The following ESRP1 variants were observed in gnomAD, a reference collection of about 807,000 sequenced individuals.
ESRP1 encodes the protein RNA-binding motif protein 35A.
In ESRP1, 33 loss-of-function variants were observed where a neutral mutation model predicts 81.7. The observed-to-expected ratio is 0.40, with a 90% CI of 0.31 to 0.54. The LOEUF (loss-of-function observed/expected upper bound fraction) is 0.54, where lower values mean the gene tolerates loss of function less well. Among genes scored for constraint, ESRP1 ranks in the 20% least tolerant of loss-of-function variants. The probability of loss-of-function intolerance (pLI) is 0.41; values close to 1 mark genes in which losing one functional copy is unlikely to be tolerated. For missense variants in ESRP1, 672 were observed against 833.1 expected (o/e 0.81, Z 2.38); for synonymous variants, 320 against 303.3 (o/e 1.06, Z -0.57).
intron 11 of ESRP1, 98 bp downstream of exon 11, chr8:94,671,769 ATAT>A: frequency 1.4e-6 from 1 of 704,626 alleles, no homozygotes; most frequent in Non-Finnish European, 2.2e-6. Context: ...GAAATATCTA[ATAT>A]TAGATATTAG....
intron 13 of ESRP1, among the ~76,000 whole-genome samples, chr8:94,684,059 C>A (rs922424807): frequency 1.3e-5 from 2 of 152,160 alleles, no homozygotes; most frequent in Non-Finnish European, 2.9e-5. Context: ...GTTGGTCAAG[C>A]TGATCTCGAA....
rs563193339 is a variant in ESRP1 at position 94,670,737 on chromosome 8, A to G, written c.1234-716A>G. On this transcript the variant is annotated intron_variant, in intron 10 of 15. Coordinates refer to ENST00000433389, the MANE Select transcript of ESRP1 (RefSeq NM_017697.4). ...TCTAAAATTCGCCTAACCTATCATC[A>G]TCCATTTCCAAGATAGCTGAATTCC... is the stretch of plus-strand genomic sequence containing the variant. 1.8e-3 allele frequency among the ~76,000 whole-genome samples: 268 copies of G among 152,364 alleles called. 5 individuals carry two copies. Among genetic ancestry groups the G allele is most frequent in the Non-Finnish European group, 1.7e-3 (118 of 68,036 alleles).
rs565944207 is a variant in ESRP1, at chr8:94,676,494, GT to G, written c.1652-1700del. Among the ~76,000 whole-genome samples, 119 of 150,984 alleles carry G rather than the reference GT, an allele frequency of 7.9e-4. 2 individuals are homozygous for G. In the Middle Eastern group the frequency reaches 0.014, roughly 17 times the overall value. On this transcript the variant is annotated intron_variant, in intron 12 of 15. Coordinates refer to ENST00000433389, the MANE Select transcript of ESRP1 (RefSeq NM_017697.4). ...ATGTGTGTGTGTTTATGCATGTGTG[GT>G]TTTTTTTTGTTTTGTTTTGTTTTGA...
intron 10 of ESRP1, 68 bp downstream of exon 10, chr8:94,668,318 C>A: frequency 7.3e-7 from 1 of 1,366,112 alleles, no homozygotes; most frequent in Non-Finnish European, 9.8e-7. Context: ...GAAAATAGTC[C>A]TACATTGCTC....
intron 4 of ESRP1, among the ~76,000 whole-genome samples, chr8:94,648,924 C>T (rs3926964): frequency 0.95 from 144,563 of 152,362 alleles, 69,023 homozygotes; most frequent in East Asian, 1. Context: ...AAATTTTTAA[C>T]AAAAATCCAT....
rs187121739 is a variant in ESRP1 at position 94,665,283 on chromosome 8, G to T, written c.931+87G>T. The T allele has an allele frequency of 2.1e-4, 272 of 1,271,018 alleles. 2 individuals are homozygous for T. The Middle Eastern group carries it at 2.4e-3, about 11-fold the overall frequency. The allele number at this position is 1,271,018 out of a possible 1,614,324, so 78.7% of individuals were successfully genotyped here. ...AATTTAGCAAGAGTAGGTGAATAGG[G>T]TCATGAATGGTTTTTATTTTCTAAT... On this transcript the variant is annotated intron_variant, in intron 9 of 15. Coordinates refer to ENST00000433389, the MANE Select transcript of ESRP1 (RefSeq NM_017697.4).
rs1009173916 is a variant in ESRP1, at chr8:94,654,155, C to G, written c.490+7873C>G. ...CCAACATGGCGGAACCCCGTCTCTA[C>G]TAAAAATACAAAATTATCTGGGTGT... On this transcript the variant is annotated intron_variant, in intron 4 of 15. Coordinates refer to ENST00000433389, the MANE Select transcript of ESRP1 (RefSeq NM_017697.4). 6.2e-5 allele frequency among the ~76,000 whole-genome samples: 5 copies of G among 80,072 alleles called. No homozygotes were observed. The Admixed American group carries it at 7.5e-4, about 12-fold the overall frequency. The allele number at this position is 80,072 out of a possible 152,430, so 52.5% of individuals were successfully genotyped here. A position where few individuals can be genotyped will look rare whatever the true frequency, so the allele number is the denominator to read the frequency against.
At chr8:94,675,876 T>C (rs1198711669) in intron 12 of ESRP1, among the ~76,000 whole-genome samples, 2 of 152,234 alleles carry the variant, frequency 1.3e-5, no homozygotes, top group African/African-American at 4.8e-5. Flanking sequence ...ACACCTGTAA[T>C]CTCAGCACTT....
chr8:94,668,409 C>T (rs899840532), intron 10 of ESRP1, 159 bp downstream of exon 10: 22 of 645,066 alleles, frequency 3.4e-5, no homozygotes, highest in Admixed American at 3.0e-4. Flanking sequence ...AAGAGATAGC[C>T]GCTGTTATCC....
rs1162901168 is a variant in ESRP1 at position 94,641,982 on chromosome 8, T to C, written c.159T>C (p.Val53=). The C allele has an allele frequency of 6.2e-7, 1 of 1,613,878 alleles. No homozygotes were observed. The highest frequency in any genetic ancestry group is 1.3e-5 in the African/African-American group (1 of 74,954). ...TGGGACAGTTGCACGAAGTGCTAGT[T>C]AGACCGGATCAGTTGGAACTGACGG... The part of the protein sequence containing the change: ...KKVGQLHEVL[V]RPDQLELTED... Residue 53 remains valine (V), a synonymous_variant, in exon 2 of 16, where the codon GTT becomes GTC. Transcript: ENST00000433389.
At position 94,646,197 on chromosome 8, in the gene ESRP1, CT is replaced by C; in HGVS notation, c.411del (p.Phe137LeufsTer25). 2 of 1,611,492 alleles carry C rather than the reference CT, an allele frequency of 1.2e-6. No individual in the cohort carries two copies. The highest frequency in any genetic ancestry group is 1.1e-5 in the South Asian group (1 of 90,828). ...TACTATTACCTGAATGCTTCTATTC[CT>C]TTTTTGATCTTCGAAAAGAATTCAA... ...NVLLPECFYS[F>X]FDLRKEFKKC... On this transcript the variant is annotated frameshift_variant, in exon 4 of 16. Transcript: ENST00000433389. LOFTEE classifies it high-confidence loss of function.
At chr8:94,689,857 C>T (rs574229190) in intron 13 of ESRP1, among the ~76,000 whole-genome samples, 1 of 120,276 alleles carries the variant, frequency 8.3e-6, no homozygotes, top group African/African-American at 3.1e-5. Flanking sequence ...TGCTCTGTCG[C>T]CCAGGCTGGA....
intron 13 of ESRP1, among the ~76,000 whole-genome samples, chr8:94,681,325 CAAAAAAAA>C (rs1171703394): frequency 2.2e-4 from 7 of 31,266 alleles, no homozygotes; most frequent in Non-Finnish European, 3.9e-4. Context: ...GACTCCATCT[CAAAAAAAA>C]AAAAAAAAAA....
At position 94,705,903 on chromosome 8, in the gene ESRP1, CTTTTT is replaced by C. The variant is rs55760931; in HGVS notation, c.*36-8_*36-4del. On this transcript the variant is annotated splice_polypyrimidine_tract_variant and intron_variant, in intron 15 of 15. Coordinates refer to ENST00000433389, the MANE Select transcript of ESRP1 (RefSeq NM_017697.4). ...AGACTATAACATTTCCTTTTATTCACTTTTTTTTTTTTTTTTTTCAGTGTTTGAAA... is the reference window on the plus strand; with the variant it reads ...AGACTATAACATTTCCTTTTATTCACTTTTTTTTTTTTTCAGTGTTTGAAA... 8.8e-3 allele frequency: 11,987 copies of C among 1,356,938 alleles called. 1 individual carries two copies. Among genetic ancestry groups the C allele is most frequent in the South Asian group, 9.6e-3 (660 of 68,970 alleles). 84.1% of individuals were successfully genotyped at this position (1,356,938 alleles called of 1,614,324 possible). A position where few individuals can be genotyped will look rare whatever the true frequency, so the allele number is the denominator to read the frequency against.
chr8:94,642,009 G>T lies in ESRP1; in HGVS notation c.186G>T (p.Glu62Asp). ...LVRPDQLELT[E>D]DCKEETKIDV... ...GACCGGATCAGTTGGAACTGACGGA[G>T]GACTGCAAAGAAGAAACTAAAATAG... The change falls in exon 2 of 16, where the codon GAG becomes GAT. Residue 62 changes from glutamate (E) to aspartate (D), a missense_variant. Physicochemically the swap from Glu to Asp is conservative, Grantham distance 45. Coordinates refer to ENST00000433389, the MANE Select transcript of ESRP1 (RefSeq NM_017697.4). 1 of 1,614,006 alleles carries T rather than the reference G, an allele frequency of 6.2e-7. No homozygotes were observed.
At chr8:94,697,100 A>C (rs538825862) in intron 15 of ESRP1, 139 bp downstream of exon 15, 1 of 610,064 alleles carries the variant, frequency 1.6e-6, no homozygotes, top group African/African-American at 1.8e-5. Context: ...GAAGGAATGG[A>C]GACTAGAATT....
intron 13 of ESRP1, among the ~76,000 whole-genome samples, chr8:94,678,721 G>T (rs534988062): frequency 2.4e-4 from 36 of 152,278 alleles, no homozygotes; most frequent in Middle Eastern, 3.4e-3. Context: ...CAGGAACAAT[G>T]CTATTTTGAA....
intron 15 of ESRP1, among the ~76,000 whole-genome samples, chr8:94,701,290 G>A (rs6471463): frequency 0.67 from 97,392 of 145,696 alleles, 32,783 homozygotes; most frequent in African/African-American, 0.83. Context: ...AAAAAAAAAA[G>A]AATTGAGCGA....
At chr8:94,646,425 TA>T in intron 4 of ESRP1, 143 bp downstream of exon 4, 1 of 554,480 alleles carries the variant, frequency 1.8e-6, no homozygotes. Context: ...GCTGAGAAAC[TA>T]AAATACAATT....
Sources: allele counts gnomAD v4.1 joint callset (sites outside exome capture counted in the v4.1 genomes callset), GRCh38; gene constraint gnomAD v4.1.1; transcripts MANE v1.5; gene names NCBI Gene and HGNC (gene_info 2026-07-23, HGNC 2026-07-21).